Variants in ZNF438 observed in about 807,000 individuals in gnomAD.
ZNF438 encodes the protein zinc finger protein 438.
ZNF438 carries 25 observed loss-of-function variants against 38.0 expected under a neutral mutation model. The observed-to-expected ratio is 0.66, with a 90% CI of 0.48 to 0.92. The LOEUF (loss-of-function observed/expected upper bound fraction) is 0.92. Among genes scored for constraint, ZNF438 ranks in the 40% least tolerant of loss-of-function variants. The probability of loss-of-function intolerance (pLI) is 0.00; values close to 1 mark genes in which losing one functional copy is unlikely to be tolerated. For synonymous variants in ZNF438, 372 were observed against 364.1 expected (o/e 1.02, Z -0.25); for missense variants, 1,007 against 999.6 (o/e 1.01, Z -0.10).
rs570550431 is a variant in ZNF438, at chr10:30,958,395, CAGAAA to C, written c.-191-16749_-191-16745del. ...TGATAAATTTTGATCTTGTGAACAACAGAAAAGAAATTTCATATTGAGAGATGTCT... is the reference window on the plus strand; with the variant it reads ...TGATAAATTTTGATCTTGTGAACAACAGAAATTTCATATTGAGAGATGTCT... On this transcript the variant is annotated intron_variant, in intron 1 of 5. Transcript: ENST00000413025. 2.3e-4 allele frequency among the ~76,000 whole-genome samples: 34 copies of C among 147,136 alleles called. 2 individuals are homozygous for C. In the East Asian group the frequency reaches 5.8e-3, roughly 25 times the overall value.
intron 2 of ZNF438, among the ~76,000 whole-genome samples, chr10:30,914,357 C>T (rs2043376398): frequency 6.6e-6 from 1 of 151,858 alleles, no homozygotes; most frequent in Admixed American, 6.6e-5. Flanking sequence ...AAAAGGCCAA[C>T]ATGATGGAAT....
At chr10:30,963,325 G>A (rs2049717519) in intron 1 of ZNF438, among the ~76,000 whole-genome samples, 1 of 145,232 alleles carries the variant, frequency 6.9e-6, no homozygotes, top group Admixed American at 7.2e-5. Flanking sequence ...CCAGGAGGTG[G>A]AAGTTGAAGT....
intron 1 of ZNF438, among the ~76,000 whole-genome samples, chr10:31,012,231 C>T (rs901294787): frequency 7.9e-5 from 12 of 151,436 alleles, no homozygotes; most frequent in African/African-American, 2.9e-4. Flanking sequence ...TCACGCCATT[C>T]TCCTGCCTCA....
intron 1 of ZNF438, among the ~76,000 whole-genome samples, chr10:30,952,195 CAT>C (rs1222884047): frequency 6.6e-6 from 1 of 151,578 alleles, no homozygotes; most frequent in Non-Finnish European, 1.5e-5. Context: ...ACTGGCTAGA[CAT>C]ATGTAGAAAG....
At chr10:30,982,402 T>G (rs903952068) in intron 1 of ZNF438, among the ~76,000 whole-genome samples, 6 of 152,040 alleles carry the variant, frequency 3.9e-5, no homozygotes, top group Admixed American at 2.0e-4. Flanking sequence ...CGCCCGGCCA[T>G]CCTGTCTTTT....
In ZNF438 at chr10:30,850,368, C is replaced by T; in HGVS notation, c.38-1G>A. The T allele has an allele frequency of 5.0e-6, 8 of 1,608,576 alleles. No homozygotes were observed. The highest frequency in any genetic ancestry group is 6.8e-6 in the Non-Finnish European group (8 of 1,177,088). ...GTTCCAGAAGGGATGTTTGATTCAC[C>T]TGCAATGACAATAAAATATAAAGAG... On this transcript the variant is annotated splice_acceptor_variant, in intron 4 of 5. Coordinates refer to ENST00000413025, the Ensembl canonical transcript of ZNF438. LOFTEE classifies it high-confidence loss of function.
rs80080535 is a variant in ZNF438, at chr10:31,000,284, T to C, written c.-192+31549A>G. ...CCAGCGGAGTCTCACACCCACGTTA[T>C]CTCGTCCTTGTTAATTATTCACTGG... On this transcript the variant is annotated intron_variant, in intron 1 of 5. Transcript: ENST00000413025. Among the ~76,000 whole-genome samples the C allele has an allele frequency of 5.4e-3, 818 of 152,294 alleles. 15 individuals are homozygous for C. Among genetic ancestry groups the C allele is most frequent in the East Asian group, 0.048 (250 of 5,180 alleles).
chr10:30,981,648 CA>C (rs2052163801), intron 1 of ZNF438, among the ~76,000 whole-genome samples: 1 of 152,068 alleles, frequency 6.6e-6, no homozygotes, highest in African/African-American at 2.4e-5. Context: ...GAGGCCGAGG[CA>C]GGGGGATCAT....
At chr10:30,865,993 C>T (rs1253694747) in intron 4 of ZNF438, among the ~76,000 whole-genome samples, 2 of 152,118 alleles carry the variant, frequency 1.3e-5, no homozygotes, top group African/African-American at 2.4e-5. Flanking sequence ...GCACTTGTTG[C>T]GCTGATGGGG....
chr10:30,984,818 T>C (rs996962025), intron 1 of ZNF438, among the ~76,000 whole-genome samples: 1 of 152,182 alleles, frequency 6.6e-6, no homozygotes, highest in Non-Finnish European at 1.5e-5. Flanking sequence ...ATCAAGAGTT[T>C]GGGATTTGAA....
At chr10:31,000,345 A>T (rs1258028273) in intron 1 of ZNF438, among the ~76,000 whole-genome samples, 2 of 152,244 alleles carry the variant, frequency 1.3e-5, no homozygotes, top group Non-Finnish European at 2.9e-5. Context: ...ACTTGGGAGC[A>T]GAATCTGAGG....
intron 4 of ZNF438, among the ~76,000 whole-genome samples, chr10:30,856,157 T>C (rs544542037): frequency 6.6e-6 from 1 of 152,320 alleles, no homozygotes; most frequent in African/African-American, 2.4e-5. Flanking sequence ...GACTACTTAA[T>C]GACAAGAATT....
chr10:31,022,820 A>G (rs1232043225), intron 1 of ZNF438, among the ~76,000 whole-genome samples: 2 of 152,192 alleles, frequency 1.3e-5, no homozygotes, highest in Non-Finnish European at 2.9e-5. Flanking sequence ...GCATCTCGAC[A>G]ACTATTTGAA....
At chr10:30,953,237 C>A (rs1264429987) in intron 1 of ZNF438, among the ~76,000 whole-genome samples, 3 of 149,858 alleles carry the variant, frequency 2.0e-5, no homozygotes, top group Non-Finnish European at 3.0e-5. Context: ...GAATATCACA[C>A]TCTGGGGACT....
At chr10:30,872,357 TG>T (rs2037574712) in intron 4 of ZNF438, among the ~76,000 whole-genome samples, 1 of 119,956 alleles carries the variant, frequency 8.3e-6, no homozygotes, top group Non-Finnish European at 1.7e-5. Flanking sequence ...ACCCGGGAGG[TG>T]GAGATTGCAG....
intron 3 of ZNF438, among the ~76,000 whole-genome samples, chr10:30,879,995 G>A (rs2038992113): frequency 6.6e-6 from 1 of 151,534 alleles, no homozygotes; most frequent in Admixed American, 6.6e-5. Context: ...CGAGAAACAT[G>A]AAAACATATT....
At chr10:30,947,320 A>G (rs2047531896) in intron 1 of ZNF438, among the ~76,000 whole-genome samples, 1 of 152,266 alleles carries the variant, frequency 6.6e-6, no homozygotes, top group African/African-American at 2.4e-5. Context: ...CTGTGTCTTC[A>G]GGGGATGTGT....
At chr10:30,940,743 CA>C (rs2046732249) in intron 2 of ZNF438, among the ~76,000 whole-genome samples, 1 of 152,124 alleles carries the variant, frequency 6.6e-6, no homozygotes, top group African/African-American at 2.4e-5. Context: ...AGAATGAATA[CA>C]GAAAGATTAT....
chr10:30,912,114 GC>G (rs1165701432), intron 2 of ZNF438, among the ~76,000 whole-genome samples: 1 of 151,994 alleles, frequency 6.6e-6, no homozygotes, highest in Non-Finnish European at 1.5e-5. Context: ...TCTCCCTCCA[GC>G]TATAGCTCAC....
Sources: gnomAD v4.1 joint callset for allele counts (sites outside exome capture counted in the v4.1 genomes callset) on GRCh38, gnomAD v4.1.1 for gene constraint, MANE v1.5 for transcripts, NCBI Gene and HGNC (gene_info 2026-07-23, HGNC 2026-07-21) for gene names.